Variants in NEB observed in about 807,000 individuals in gnomAD.
NEB encodes the protein nemaline myopathy type 2.
NEB carries 512 observed loss-of-function variants against 952.2 expected under a neutral mutation model. The ratio of observed to expected loss-of-function variants is 0.54; its 90% CI spans 0.50 to 0.58. The LOEUF is 0.58. Among genes scored for constraint, NEB ranks in the 20% least tolerant of loss-of-function variants. NEB has a pLI of 0.00. For missense variants in NEB, 8,428 were observed against 9,231.1 expected (o/e 0.91, Z 3.56); for synonymous variants, 2,900 against 3,149.8 (o/e 0.92, Z 2.66).
intron 181 of NEB, among the ~76,000 whole-genome samples, chr2:151,489,100 T>G (rs985421946): frequency 6.6e-6 from 1 of 152,214 alleles, no homozygotes; most frequent in Non-Finnish European, 1.5e-5. Context: ...CATTGGTTTA[T>G]TTCAGGGAAA....
chr2:151,564,453 A>C (rs1412729593), intron 117 of NEB, among the ~76,000 whole-genome samples: 2 of 152,170 alleles, frequency 1.3e-5, no homozygotes, highest in East Asian at 3.9e-4. Flanking sequence ...ATGCCCAGCC[A>C]ACTCTAGGCA....
rs137934821 is a variant in NEB, at chr2:151,552,784, G to A, written c.19732-8C>T. 18 of 1,602,666 alleles carry A rather than the reference G, an allele frequency of 1.1e-5. No homozygotes were observed. The African/African-American group carries it at 2.3e-4, about 20-fold the overall frequency. On this transcript the variant is annotated splice_region_variant and splice_polypyrimidine_tract_variant and intron_variant, in intron 127 of 181. Coordinates refer to ENST00000397345, the MANE Select transcript of NEB (RefSeq NM_001164508.2). ...GTGAGCTTTATACTTGATCTGCCGA[G>A]AGGAAGAAAACAAGCCCATGTTGGA...
chr2:151,521,118 C>T (rs1473605005), intron 153 of NEB, among the ~76,000 whole-genome samples: 1 of 152,090 alleles, frequency 6.6e-6, no homozygotes, highest in Non-Finnish European at 1.5e-5. Context: ...ATGAAAGACT[C>T]ACTAACACCA....
chr2:151,695,196 G>T (rs909531202), intron 18 of NEB, among the ~76,000 whole-genome samples: 1 of 152,064 alleles, frequency 6.6e-6, no homozygotes, highest in Admixed American at 6.5e-5. Flanking sequence ...CATATATGTA[G>T]AAATAAGTAT....
rs1224861071 is a variant in NEB, at chr2:151,633,875, G to A, written c.9193C>T (p.His3065Tyr). 6.8e-6 allele frequency: 11 copies of A among 1,613,886 alleles called. No homozygotes were observed. The highest frequency in any genetic ancestry group is 9.3e-6 in the Non-Finnish European group (11 of 1,179,902). ...EDDPKMMWSMHVAKIQSDREY... is the reference protein window; with the variant it reads ...EDDPKMMWSMYVAKIQSDREY... ...CTGTCACTCTGGATCTTGGCTACGT[G>A]CATGGACCACATCATCTTGGGGTCA... The change falls in exon 65 of 182, where the codon CAC becomes TAC. Residue 3065 changes from histidine (H) to tyrosine (Y), a missense_variant. Coordinates refer to ENST00000397345, the MANE Select transcript of NEB (RefSeq NM_001164508.2).
intron 3 of NEB, among the ~76,000 whole-genome samples, chr2:151,732,682 T>C (rs1280653997): frequency 2.0e-5 from 3 of 152,210 alleles, no homozygotes; most frequent in Non-Finnish European, 2.9e-5. Context: ...ATCTAACCCA[T>C]GTTACCCTAT....
chr2:151,669,240 C>G (rs117379193), intron 38 of NEB, 109 bp from the exon 39 acceptor site: 1 of 742,498 alleles, frequency 1.3e-6, no homozygotes, highest in Admixed American at 2.2e-5. Context: ...TTTCCATTTA[C>G]GAGACAAATA....
intron 129 of NEB, among the ~76,000 whole-genome samples, chr2:151,551,228 C>T (rs2095314841): frequency 6.6e-6 from 1 of 151,726 alleles, no homozygotes. Context: ...CTCAGCCTCC[C>T]AAATTGCTGG....
chr2:151,614,772 G>C (rs1244000453), intron 76 of NEB, among the ~76,000 whole-genome samples, 185 bp from the exon 77 acceptor site: 1 of 152,088 alleles, frequency 6.6e-6, no homozygotes, highest in Non-Finnish European at 1.5e-5. Flanking sequence ...GATTTGCGCA[G>C]TCACACCACA....
chr2:151,642,451 C>A (rs542377970), intron 60 of NEB, 123 bp downstream of exon 60: 4 of 798,432 alleles, frequency 5.0e-6, no homozygotes, highest in Non-Finnish European at 7.7e-6. Context: ...AACCATTCAT[C>A]GAAACAATAA....
At chr2:151,631,421 T>C in intron 65 of NEB, 75 bp from the exon 66 acceptor site, 1 of 1,446,168 alleles carries the variant, frequency 6.9e-7, no homozygotes, top group Non-Finnish European at 9.4e-7. Context: ...ATAGAATCAG[T>C]AATAAAGTGC....
intron 178 of NEB, 149 bp from the exon 179 acceptor site, chr2:151,491,924 C>G: frequency 1.0e-6 from 1 of 961,466 alleles, no homozygotes; most frequent in Non-Finnish European, 1.6e-6. Flanking sequence ...CAGAGGAGAA[C>G]AAAGATAAGG....
chr2:151,553,026 A>G (rs551548208), intron 127 of NEB, among the ~76,000 whole-genome samples: 2 of 152,362 alleles, frequency 1.3e-5, no homozygotes, highest in African/African-American at 2.4e-5. Context: ...TCCTCATTAC[A>G]GTATTTAATT....
chr2:151,496,984 G>C lies in NEB; in HGVS notation c.24350C>G (p.Pro8117Arg), dbSNP rs541150975. The change falls in exon 172 of 182, where the codon CCT (proline) becomes CGT (arginine). Residue 8117 changes from proline (P) to arginine (R), a missense_variant. Pro to Arg is a moderately radical substitution (Grantham distance 103, BLOSUM62 -2). This residue lies in a region of NEB where 3,374 missense variants were observed against 3,651.5 expected (regional missense o/e 0.92). Transcript: ENST00000397345. ...ATTGTGTTTGACTCTCTCCATCTCAGGAGTGACAGGTAGAGGGGTTCCCTT... is the reference window on the plus strand; with the variant it reads ...ATTGTGTTTGACTCTCTCCATCTCACGAGTGACAGGTAGAGGGGTTCCCTT... ...MGKGTPLPVT[P>R]EMERVKHNQE... The C allele has an allele frequency of 6.3e-7, 1 of 1,581,244 alleles. No homozygotes were observed. Among genetic ancestry groups the C allele is most frequent in the Admixed American group, 1.8e-5 (1 of 55,148 alleles).
At chr2:151,687,960 A>G (rs1271989715) in intron 25 of NEB, among the ~76,000 whole-genome samples, 1 of 152,140 alleles carries the variant, frequency 6.6e-6, no homozygotes, top group Non-Finnish European at 1.5e-5. Context: ...CTTTCTAAGC[A>G]CTCTGCTGTC....
At chr2:151,697,682 T>C (rs1179629408) in intron 13 of NEB, 34 bp from the exon 14 acceptor site, 1 of 1,343,062 alleles carries the variant, frequency 7.4e-7, no homozygotes, top group East Asian at 2.3e-5. Flanking sequence ...TAAAGTAGAT[T>C]CCTGTCACTC....
intron 168 of NEB, among the ~76,000 whole-genome samples, chr2:151,501,036 G>T (rs147336598): frequency 1.3e-5 from 2 of 152,236 alleles, no homozygotes; most frequent in African/African-American, 4.8e-5. Context: ...TTCAAGTCCA[G>T]TATCTTTTCT....
In NEB at chr2:151,687,513, T is replaced by C; in HGVS notation, c.2543A>G (p.Tyr848Cys). The change falls in exon 27 of 182, where the codon TAT becomes TGT. Residue 848 changes from tyrosine to cysteine, a missense_variant. Physicochemically the swap from Tyr to Cys is radical, Grantham distance 194. This residue lies in a region of NEB where 2,851 missense variants were observed against 2,791.5 expected (regional missense o/e 1.02). Transcript: ENST00000397345. ...NTSDVMYKKDYEKSKGKMIGA... is the reference protein window; with the variant it reads ...NTSDVMYKKDCEKSKGKMIGA... ...AATCATTTTCCCTTTGCTCTTTTCATAGTCTTTCTTGTACATCACCTGCAA... is the reference window on the plus strand; with the variant it reads ...AATCATTTTCCCTTTGCTCTTTTCACAGTCTTTCTTGTACATCACCTGCAA... 6.2e-7 allele frequency: 1 copy of C among 1,613,936 alleles called. No individual in the cohort carries two copies. Among genetic ancestry groups the C allele is most frequent in the Non-Finnish European group, 8.5e-7 (1 of 1,179,826 alleles).
chr2:151,616,976 G>A lies in NEB; in HGVS notation c.11181+388C>T, dbSNP rs140342307. ...GCCTGGAAAAATGTTAACATCAAAT[G>A]ATTATCAGAGCATACTGGAGCAGCA... On this transcript the variant is annotated intron_variant, in intron 75 of 181. Coordinates refer to ENST00000397345, the MANE Select transcript of NEB (RefSeq NM_001164508.2). Among the ~76,000 whole-genome samples the A allele has an allele frequency of 3.7e-3, 558 of 152,306 alleles. 2 individuals carry two copies. The highest frequency in any genetic ancestry group is 0.012 in the African/African-American group (501 of 41,562).
Sources: gnomAD v4.1 joint callset for allele counts (sites outside exome capture counted in the v4.1 genomes callset) on GRCh38, gnomAD v4.1.1 for gene constraint, gnomAD v4.1.1 regional missense constraint, MANE v1.5 for transcripts, NCBI Gene and HGNC (gene_info 2026-07-23, HGNC 2026-07-21) for gene names.